The following STXBP4 variants were observed in gnomAD, a reference collection of about 807,000 sequenced individuals.
The protein encoded by STXBP4 is syntaxin-binding protein 4.
Under a neutral mutation model 76.1 loss-of-function variants are expected in STXBP4, and 55 were observed. That is an observed-to-expected ratio of 0.72 (90% CI 0.58 to 0.91). The LOEUF (loss-of-function observed/expected upper bound fraction) is 0.91, where lower values mean the gene tolerates loss of function less well. Ranked by LOEUF, STXBP4 falls within the 40% of genes least tolerant of loss-of-function variation. The pLI is 0.00. For synonymous variants in STXBP4, 201 were observed against 220.2 expected (o/e 0.91, Z 0.77); for missense variants, 618 against 636.9 (o/e 0.97, Z 0.32).
the STXBP4 span, among the ~76,000 whole-genome samples, chr17:55,178,807 A>G: frequency 6.6e-6 from 1 of 152,190 alleles, no homozygotes; most frequent in Non-Finnish European, 1.5e-5. Context: ...AACAGAGAGA[A>G]AGAAATCTTT....
chr17:55,190,506 C>G, the STXBP4 span, among the ~76,000 whole-genome samples: 3 of 152,188 alleles, frequency 2.0e-5, no homozygotes, highest in African/African-American at 7.2e-5. Flanking sequence ...CATGCCAAGC[C>G]CTGAAGAGAC....
At position 55,168,882 on chromosome 17, in the gene STXBP4, T is replaced by A. The variant is rs1443940334; in HGVS notation, c.*8971T>A. 5 of 152,200 alleles carry A rather than the reference T, an allele frequency of 3.3e-5. No homozygotes were observed. The highest frequency in any genetic ancestry group is 9.6e-5 in the African/African-American group (4 of 41,456). 9.4% of individuals were successfully genotyped at this position (152,200 alleles called of 1,614,324 possible). Reference sequence around the variant, plus strand: ...TTTTTATCTTGGCAAAAGGACTTAATAGAAAAATTTTAGATAACAATCAGG... The same window carrying A: ...TTTTTATCTTGGCAAAAGGACTTAAAAGAAAAATTTTAGATAACAATCAGG... On this transcript the variant is annotated 3_prime_UTR_variant, in exon 18 of 18. Coordinates refer to ENST00000376352, the MANE Select transcript of STXBP4 (RefSeq NM_178509.6).
At chr17:55,190,779 A>G in the STXBP4 span, among the ~76,000 whole-genome samples, 60 of 152,104 alleles carry the variant, frequency 3.9e-4, no homozygotes, top group Non-Finnish European at 3.2e-4. Flanking sequence ...GCCAGCTGGT[A>G]TTGTTAACAA....
chr17:55,185,242 TCTTCTTCTCCTTCTCCTTCTCCTTCTC>T, the STXBP4 span, among the ~76,000 whole-genome samples: 1 of 50,340 alleles, frequency 2.0e-5, no homozygotes, highest in African/African-American at 1.1e-4. Flanking sequence ...TTCTTCTTCT[TCTTCTTCTCCTTCTCCTTCTCCTTCTC>T]CTTCTCCTTC....
chr17:55,191,911 G>T, the STXBP4 span, among the ~76,000 whole-genome samples: 1 of 152,140 alleles, frequency 6.6e-6, no homozygotes, highest in African/African-American at 2.4e-5. Flanking sequence ...GTTACAAATT[G>T]TACGTTTCCA....
At chr17:55,147,072 A>G (rs1043368098) in intron 17 of STXBP4, among the ~76,000 whole-genome samples, 2 of 152,252 alleles carry the variant, frequency 1.3e-5, no homozygotes, top group African/African-American at 4.8e-5. Flanking sequence ...ATGCCACTTC[A>G]CAGTGTATGT....
intron 1 of STXBP4, among the ~76,000 whole-genome samples, chr17:54,974,843 A>T (rs2077448639): frequency 1.1e-4 from 1 of 9,514 alleles, no homozygotes; most frequent in South Asian, 2.2e-3. Flanking sequence ...AGTTTTGCAA[A>T]CTCATAGTTA....
chr17:55,148,891 G>A (rs1241186508), intron 17 of STXBP4, among the ~76,000 whole-genome samples: 1 of 152,118 alleles, frequency 6.6e-6, no homozygotes, highest in African/African-American at 2.4e-5. Flanking sequence ...CATTAATTTG[G>A]GGGCTTTGAT....
At chr17:55,039,245 G>T (rs1030061695) in intron 10 of STXBP4, among the ~76,000 whole-genome samples, 2 of 151,998 alleles carry the variant, frequency 1.3e-5, no homozygotes, top group African/African-American at 4.8e-5. Flanking sequence ...AATTTTGAGG[G>T]ATAAATAGGA....
the STXBP4 span, among the ~76,000 whole-genome samples, chr17:55,184,076 C>G: frequency 6.6e-6 from 1 of 152,030 alleles, no homozygotes; most frequent in East Asian, 1.9e-4. Flanking sequence ...TGACCATATT[C>G]TGGGTCATAA....
chr17:55,210,993 A>G, the STXBP4 span, among the ~76,000 whole-genome samples: 1 of 152,222 alleles, frequency 6.6e-6, no homozygotes, highest in African/African-American at 2.4e-5. Flanking sequence ...TTGTTTAAAT[A>G]TAAACTTGAG....
At chr17:55,193,963 G>T in the STXBP4 span, among the ~76,000 whole-genome samples, 1 of 152,034 alleles carries the variant, frequency 6.6e-6, no homozygotes, top group Non-Finnish European at 1.5e-5. Context: ...ATCTAGGCAT[G>T]AGCAACCAAC....
At chr17:55,133,622 A>G (rs2079995896) in intron 16 of STXBP4, among the ~76,000 whole-genome samples, 1 of 152,188 alleles carries the variant, frequency 6.6e-6, no homozygotes, top group Non-Finnish European at 1.5e-5. Flanking sequence ...GACTGGGGAG[A>G]TGAGAAGATA....
intron 16 of STXBP4, among the ~76,000 whole-genome samples, chr17:55,089,506 C>T (rs2079382757): frequency 6.6e-6 from 1 of 152,156 alleles, no homozygotes; most frequent in African/African-American, 2.4e-5. Flanking sequence ...TTTGTCTGTT[C>T]TGTCATTATT....
intron 16 of STXBP4, among the ~76,000 whole-genome samples, chr17:55,116,295 TACCA>T (rs2079779526): frequency 6.6e-6 from 1 of 151,834 alleles, no homozygotes; most frequent in Non-Finnish European, 1.5e-5. Flanking sequence ...TATTTCTGTA[TACCA>T]TTAGTGCCTA....
At chr17:55,043,160 C>A in intron 10 of STXBP4, 76 bp from the exon 11 acceptor site, 1 of 690,114 alleles carries the variant, frequency 1.4e-6, no homozygotes, top group South Asian at 4.5e-5. Context: ...TAAGATTAGT[C>A]AAAAATGATT....
Position 55,168,655 on chromosome 17 carries a change from T to G in STXBP4, c.*8744T>G, listed in dbSNP as rs2080390545. The G allele has an allele frequency of 6.6e-6, 1 of 152,208 alleles. No individual in the cohort carries two copies. Among genetic ancestry groups the G allele is most frequent in the African/African-American group, 2.4e-5 (1 of 41,454 alleles). 9.4% of individuals were successfully genotyped at this position (152,208 alleles called of 1,614,324 possible). A position where few individuals can be genotyped will look rare whatever the true frequency, so the allele number is the denominator to read the frequency against. On this transcript the variant is annotated 3_prime_UTR_variant, in exon 18 of 18. Transcript: ENST00000376352. ...GAGAATGAAATATTAATTATGATAT[T>G]TACAAAGCTCTGTACATTCAGAATT...
chr17:55,171,550 G>A lies in STXBP4; in HGVS notation c.*11639G>A, dbSNP rs2080406238. On this transcript the variant is annotated 3_prime_UTR_variant, in exon 18 of 18. Transcript: ENST00000376352. Reference sequence around the variant, plus strand: ...GGGAATACCTCCCCATTGAAGCCTAGGCCAGATTCCAGTCCGTTTTGACCA... The same window carrying A: ...GGGAATACCTCCCCATTGAAGCCTAAGCCAGATTCCAGTCCGTTTTGACCA... 1 of 152,148 alleles carries A rather than the reference G, an allele frequency of 6.6e-6. No homozygotes were observed. The highest frequency in any genetic ancestry group is 1.5e-5 in the Non-Finnish European group (1 of 68,024). 9.4% of individuals were successfully genotyped at this position (152,148 alleles called of 1,614,324 possible).
At chr17:54,992,328 T>C (rs1406849010) in intron 4 of STXBP4, among the ~76,000 whole-genome samples, 1 of 150,090 alleles carries the variant, frequency 6.7e-6, no homozygotes, top group Non-Finnish European at 1.5e-5. Context: ...GAGGTGGGAG[T>C]ATTGCTTGAG....
Sources: allele counts gnomAD v4.1 joint callset (sites outside exome capture counted in the v4.1 genomes callset), GRCh38; gene constraint gnomAD v4.1.1; transcripts MANE v1.5; gene names NCBI Gene and HGNC (gene_info 2026-07-23, HGNC 2026-07-21).